The following SFI1 variants were observed in gnomAD, a reference collection of about 807,000 sequenced individuals.
SFI1 encodes the protein protein SFI1 homolog.
Under a neutral mutation model 207.5 loss-of-function variants are expected in SFI1, and 195 were observed. That is an observed-to-expected ratio of 0.94 (90% CI 0.84 to 1.06). The LOEUF (loss-of-function observed/expected upper bound fraction) is 1.06. Among genes scored for constraint, SFI1 ranks in the 50% least tolerant of loss-of-function variants. The pLI is 0.00. For missense variants in SFI1, 1,634 were observed against 1,588.0 expected (o/e 1.03, Z -0.49); for synonymous variants, 630 against 598.9 (o/e 1.05, Z -0.76).
intron 15 of SFI1, among the ~76,000 whole-genome samples, chr22:31,592,832 A>C: frequency 7.8e-6 from 1 of 127,880 alleles, no homozygotes; most frequent in Non-Finnish European, 1.6e-5. Context: ...TCCCTCCCGG[A>C]CGGGGCGGCT....
chr22:31,507,765 A>G (rs1467716280), intron 1 of SFI1, among the ~76,000 whole-genome samples: 1 of 152,202 alleles, frequency 6.6e-6, no homozygotes, highest in East Asian at 1.9e-4. Flanking sequence ...ACTGATCATT[A>G]GAGAAATGCA....
At position 31,527,330 on chromosome 22, in the gene SFI1, A is replaced by G. The variant is rs148472396; in HGVS notation, c.93-1360A>G. Among the ~76,000 whole-genome samples the G allele has an allele frequency of 1.6e-4, 25 of 152,320 alleles. No individual in the cohort carries two copies. The East Asian group carries it at 4.4e-3, about 27-fold the overall frequency. On this transcript the variant is annotated intron_variant, in intron 2 of 32. Transcript: ENST00000400288. ...ACTCTTGACTTTCATTTCTTTAAACATATTCATTTTAGCATATACAGCTGT... is the reference window on the plus strand; with the variant it reads ...ACTCTTGACTTTCATTTCTTTAAACGTATTCATTTTAGCATATACAGCTGT...
At chr22:31,602,830 G>C (rs1275793951) in intron 17 of SFI1, 45 bp downstream of exon 17, 1 of 1,590,906 alleles carries the variant, frequency 6.3e-7, no homozygotes, top group Non-Finnish European at 8.6e-7. Context: ...TCACAGGCCA[G>C]CTTTGCTTGT....
chr22:31,604,439 G>A, intron 19 of SFI1, 35 bp downstream of exon 19: 1 of 1,449,894 alleles, frequency 6.9e-7, no homozygotes, highest in Non-Finnish European at 9.1e-7. Flanking sequence ...ATCTTGCTGT[G>A]GGGACAGGGG....
At chr22:31,586,500 T>TTG (rs1192222057) in intron 14 of SFI1, among the ~76,000 whole-genome samples, 2 of 152,240 alleles carry the variant, frequency 1.3e-5, no homozygotes, top group Non-Finnish European at 2.9e-5. Context: ...TCGATAGAGC[T>TTG]TGGATGCTAC....
intron 27 of SFI1, 119 bp from the exon 28 acceptor site, chr22:31,614,670 C>T (rs1380579565): frequency 1.7e-6 from 2 of 1,200,564 alleles, no homozygotes; most frequent in African/African-American, 1.5e-5. Context: ...ACTTGCTGAC[C>T]TTGGCCTCGC....
At chr22:31,557,263 C>G (rs1301483964) in intron 7 of SFI1, among the ~76,000 whole-genome samples, 4 of 152,136 alleles carry the variant, frequency 2.6e-5, no homozygotes, top group African/African-American at 9.7e-5. Context: ...ACTGCAACTT[C>G]CACCTCCCAG....
intron 5 of SFI1, among the ~76,000 whole-genome samples, chr22:31,549,312 A>AAAAAAAAAAAAAAAG (rs2060404518): frequency 6.6e-6 from 1 of 150,628 alleles, no homozygotes; most frequent in Non-Finnish European, 1.5e-5. Flanking sequence ...AAAAAAAAAA[A>AAAAAAAAAAAAAAAG]AAAGACAAGA....
At chr22:31,603,240 C>T (rs1049996342) in intron 17 of SFI1, among the ~76,000 whole-genome samples, 30 of 152,108 alleles carry the variant, frequency 2.0e-4, no homozygotes, top group Non-Finnish European at 5.9e-5. Flanking sequence ...CTCAAACGAA[C>T]AAAAGTGACC....
intron 4 of SFI1, among the ~76,000 whole-genome samples, chr22:31,533,870 TCTCCA>T (rs2058742211): frequency 6.6e-6 from 1 of 152,216 alleles, no homozygotes; most frequent in Non-Finnish European, 1.5e-5. Context: ...CATATTCTAT[TCTCCA>T]CTGTTAGCTT....
chr22:31,510,631 A>C (rs2055357502), intron 2 of SFI1, among the ~76,000 whole-genome samples: 1 of 151,886 alleles, frequency 6.6e-6, no homozygotes, highest in Non-Finnish European at 1.5e-5. Context: ...ATGGGGTTTT[A>C]CCATGTTGGC....
At chr22:31,549,826 A>G (rs1323715509) in intron 5 of SFI1, among the ~76,000 whole-genome samples, 1 of 149,052 alleles carries the variant, frequency 6.7e-6, no homozygotes. Flanking sequence ...TGGTGCAGAT[A>G]TGGCTTTTTT....
At position 31,593,822 on chromosome 22, in the gene SFI1, C is replaced by G. The variant is rs1393647671; in HGVS notation, c.1544+4245C>G. On this transcript the variant is annotated intron_variant, in intron 15 of 32. Transcript: ENST00000400288. Reference sequence around the variant, plus strand: ...CGGCCCGGCCAACACAGCGAAACCCCGTCTCCACCAAAACCAGTCAGGCGT... The same window carrying G: ...CGGCCCGGCCAACACAGCGAAACCCGGTCTCCACCAAAACCAGTCAGGCGT... 2.0e-5 allele frequency among the ~76,000 whole-genome samples: 3 copies of G among 148,208 alleles called. No individual in the cohort carries two copies. In the East Asian group the frequency reaches 6.0e-4, roughly 30 times the overall value.
At chr22:31,600,476 C>T (rs1276017577) in intron 15 of SFI1, among the ~76,000 whole-genome samples, 2 of 152,210 alleles carry the variant, frequency 1.3e-5, no homozygotes, top group Non-Finnish European at 2.9e-5. Flanking sequence ...CTTCTGCTGT[C>T]TCTGTTCCCC....
rs529515983 is a variant in SFI1, at chr22:31,614,717, T to C, written c.2997-72T>C. The C allele has an allele frequency of 1.8e-4, 272 of 1,538,964 alleles. No individual in the cohort carries two copies. In the African/African-American group the frequency reaches 3.3e-3, roughly 19 times the overall value. ...TTCAGTCTCCCTATAAAATTGGAGA[T>C]CCCACAGAGATCTCAGACCCCCCTG... On this transcript the variant is annotated intron_variant, in intron 27 of 32. Coordinates refer to ENST00000400288, the MANE Select transcript of SFI1 (RefSeq NM_001007467.3).
intron 2 of SFI1, among the ~76,000 whole-genome samples, chr22:31,515,747 T>C (rs1311694641): frequency 2.0e-5 from 3 of 150,752 alleles, no homozygotes; most frequent in African/African-American, 4.9e-5. Context: ...TTTTTTTTTT[T>C]CTTTTTTTGA....
At chr22:31,550,551 A>G in intron 6 of SFI1, 1 of 511,480 alleles carries the variant, frequency 2.0e-6, no homozygotes, top group Non-Finnish European at 3.5e-6. Context: ...TCCATATGGC[A>G]TGGTTTGAGC....
At chr22:31,598,397 T>C (rs909848552) in intron 15 of SFI1, among the ~76,000 whole-genome samples, 4 of 152,034 alleles carry the variant, frequency 2.6e-5, no homozygotes, top group African/African-American at 9.7e-5. Context: ...CTACCCTGCA[T>C]AGGTAACCAG....
intron 7 of SFI1, among the ~76,000 whole-genome samples, chr22:31,560,112 T>C (rs2061536688): frequency 6.6e-6 from 1 of 152,166 alleles, no homozygotes; most frequent in Admixed American, 6.5e-5. Flanking sequence ...GCTTGAGGTT[T>C]TGCAGTGAGT....
Sources: gnomAD v4.1 joint callset for allele counts (sites outside exome capture counted in the v4.1 genomes callset) on GRCh38, gnomAD v4.1.1 for gene constraint, MANE v1.5 for transcripts, NCBI Gene and HGNC (gene_info 2026-07-23, HGNC 2026-07-21) for gene names.